MICAL2: variants seen among roughly 807,000 people sequenced by gnomAD.
MICAL2 encodes the protein [F-actin]-monooxygenase MICAL2.
A neutral mutation model predicts 127.3 loss-of-function variants in MICAL2; 77 were observed. That is an observed-to-expected ratio of 0.60 (90% CI 0.50 to 0.73). The LOEUF (loss-of-function observed/expected upper bound fraction) is 0.73. Among genes scored for constraint, MICAL2 ranks in the 30% least tolerant of loss-of-function variants. The probability of loss-of-function intolerance (pLI) is 0.00; values close to 1 mark genes in which losing one functional copy is unlikely to be tolerated. For missense variants in MICAL2, 1,351 were observed against 1,434.4 expected, an observed-to-expected ratio of 0.94 and a Z score of 0.94; for synonymous variants, 570 against 551.1, an observed-to-expected ratio of 1.03 and a Z score of -0.48.
downstream of MICAL2, among the ~76,000 whole-genome samples, chr11:12,264,117 T>TC (rs1310340054): frequency 6.6e-6 from 1 of 152,004 alleles, no homozygotes; most frequent in Non-Finnish European, 1.5e-5. Flanking sequence ...TTTACCCGTT[T>TC]CCCCCGCACA....
At chr11:12,281,969 A>G (rs993906133) in intron 2 of MICAL2, among the ~76,000 whole-genome samples, 2 of 152,310 alleles carry the variant, frequency 1.3e-5, no homozygotes, top group African/African-American at 4.8e-5. Context: ...TTGCTGCCCA[A>G]TGGCCCCACA....
chr11:12,236,610 C>T (rs904453119), intron 16 of MICAL2, among the ~76,000 whole-genome samples: 1 of 152,252 alleles, frequency 6.6e-6, no homozygotes, highest in African/African-American at 2.4e-5. Flanking sequence ...GGCATCAGCA[C>T]TCCCACTTTT....
chr11:12,134,194 A>C (rs1851653183), intron 1 of MICAL2, among the ~76,000 whole-genome samples: 1 of 152,210 alleles, frequency 6.6e-6, no homozygotes, highest in Non-Finnish European at 1.5e-5. Flanking sequence ...CCACCAGTGC[A>C]TGGCACATTT....
At chr11:12,338,965 G>A (rs1194658966) in intron 32 of MICAL2, among the ~76,000 whole-genome samples, 4 of 152,060 alleles carry the variant, frequency 2.6e-5, no homozygotes, top group East Asian at 3.9e-4. Context: ...GTATCTTTGC[G>A]GCATTCTCTG....
At chr11:12,185,196 G>C (rs1440289594) in intron 3 of MICAL2, among the ~76,000 whole-genome samples, 2 of 139,140 alleles carry the variant, frequency 1.4e-5, no homozygotes, top group African/African-American at 5.4e-5. Flanking sequence ...TGGATGGGTG[G>C]GGGGATGGGT....
At chr11:12,162,758 CT>C (rs1202363097) in intron 3 of MICAL2, among the ~76,000 whole-genome samples, 1 of 152,210 alleles carries the variant, frequency 6.6e-6, no homozygotes, top group Non-Finnish European at 1.5e-5. Flanking sequence ...GTACAAGGTA[CT>C]TTATGTCCAT....
At chr11:12,330,387 A>G (rs1864401681) in intron 32 of MICAL2, among the ~76,000 whole-genome samples, 1 of 152,178 alleles carries the variant, frequency 6.6e-6, no homozygotes, top group Non-Finnish European at 1.5e-5. Context: ...CAGTTAGGCA[A>G]TAATATTGAG....
chr11:12,294,353 T>C (rs1472243500), downstream of MICAL2: 1 of 1,614,198 alleles, frequency 6.2e-7, no homozygotes, highest in Admixed American at 1.7e-5. Flanking sequence ...CGCACAGGCC[T>C]GCACTCGCTC....
chr11:12,236,154 C>T (rs981048141), intron 15 of MICAL2, 23 bp from the exon 16 acceptor site: 2 of 1,611,468 alleles, frequency 1.2e-6, no homozygotes, highest in African/African-American at 1.3e-5. Flanking sequence ...CCAGAGCTCA[C>T]CCTGCTTTCT....
intron 2 of MICAL2, among the ~76,000 whole-genome samples, chr11:12,286,688 G>A (rs1863830633): frequency 6.6e-6 from 1 of 152,070 alleles, no homozygotes; most frequent in South Asian, 2.1e-4. Flanking sequence ...GGGCAACACA[G>A]TGGGACCCTG....
At chr11:12,299,758 C>T (rs571502442) in intron 29 of MICAL2, among the ~76,000 whole-genome samples, 27 of 152,282 alleles carry the variant, frequency 1.8e-4, no homozygotes, top group African/African-American at 5.8e-4. Context: ...TTTGTGTAAT[C>T]GCCCCTGAGA....
chr11:12,209,398 T>A (rs1855147884), intron 5 of MICAL2, 99 bp from the exon 6 acceptor site: 1 of 934,978 alleles, frequency 1.1e-6, no homozygotes, highest in Non-Finnish European at 1.8e-6. Context: ...TACACAGACC[T>A]GGCTGCACTG....
At chr11:12,113,753 G>A (rs1403293245) in intron 1 of MICAL2, among the ~76,000 whole-genome samples, 1 of 151,908 alleles carries the variant, frequency 6.6e-6, no homozygotes, top group African/African-American at 2.4e-5. Context: ...TGTATGTATA[G>A]AAAAAAACAC....
chr11:12,296,788 C>T (rs573505393), downstream of MICAL2, among the ~76,000 whole-genome samples: 11 of 151,612 alleles, frequency 7.3e-5, no homozygotes, highest in East Asian at 5.8e-4. Context: ...CTTTTTTTAA[C>T]ACAAATGATA....
intron 6 of MICAL2, among the ~76,000 whole-genome samples, chr11:12,210,363 A>G (rs1240509046): frequency 6.6e-6 from 1 of 152,210 alleles, no homozygotes; most frequent in African/African-American, 2.4e-5. Context: ...CAAATAGGGC[A>G]GTTCTGCTTT....
At chr11:12,352,152 C>G (rs1939060430) in intron 33 of MICAL2, among the ~76,000 whole-genome samples, 2 of 152,220 alleles carry the variant, frequency 1.3e-5, no homozygotes. Context: ...TTTGTCCACT[C>G]TACCTGACTA....
At chr11:12,224,576 C>T in intron 12 of MICAL2, 97 bp from the exon 13 acceptor site, 1 of 1,517,252 alleles carries the variant, frequency 6.6e-7, no homozygotes, top group Non-Finnish European at 8.9e-7. Context: ...GGCCGCTCGT[C>T]CTGGTCCCCA....
chr11:12,156,011 TACTA>T, intron 2 of MICAL2, among the ~76,000 whole-genome samples: 1 of 152,348 alleles, frequency 6.6e-6, no homozygotes, highest in Admixed American at 6.5e-5. Context: ...CAGTGGAGTC[TACTA>T]ACTATTGAAA....
chr11:12,183,935 A>G (rs1366979649), intron 3 of MICAL2, among the ~76,000 whole-genome samples: 2 of 151,988 alleles, frequency 1.3e-5, no homozygotes, highest in East Asian at 3.9e-4. Context: ...GTGCACTACT[A>G]TGTTTGCCTA....
Sources: allele counts gnomAD v4.1 joint callset (sites outside exome capture counted in the v4.1 genomes callset), GRCh38; gene constraint gnomAD v4.1.1; transcripts MANE v1.5; gene names NCBI Gene and HGNC (gene_info 2026-07-23, HGNC 2026-07-21).